Variants in COP1 observed in about 807,000 individuals in gnomAD.
COP1 encodes COP1 E3 ubiquitin ligase.
In COP1, 24 loss-of-function variants were observed where a neutral mutation model predicts 101.3. That is an observed-to-expected ratio of 0.24 (90% CI 0.17 to 0.33). The LOEUF (loss-of-function observed/expected upper bound fraction) is 0.33, where lower values mean the gene tolerates loss of function less well. Among genes scored for constraint, COP1 ranks in the 10% least tolerant of loss-of-function variants. The probability of loss-of-function intolerance (pLI) is 1.00; values close to 1 mark genes in which losing one functional copy is unlikely to be tolerated. For synonymous variants in COP1, 347 were observed against 341.9 expected (o/e 1.01, Z -0.17); for missense variants, 663 against 906.2 (o/e 0.73, Z 3.45).
chr1:175,979,499 T>TAAA (rs66686930), intron 18 of COP1, among the ~76,000 whole-genome samples: 2 of 146,360 alleles, frequency 1.4e-5, no homozygotes, highest in African/African-American at 2.5e-5. Flanking sequence ...GATATGCCTT[T>TAAA]AAAAAAAAAA....
chr1:176,013,311 G>T (rs1665021129), intron 15 of COP1, among the ~76,000 whole-genome samples: 1 of 152,150 alleles, frequency 6.6e-6, no homozygotes, highest in Admixed American at 6.6e-5. Context: ...ATACGGTTCA[G>T]AAATTTACTT....
At chr1:176,051,376 T>G (rs1174721652) in intron 11 of COP1, among the ~76,000 whole-genome samples, 4 of 152,172 alleles carry the variant, frequency 2.6e-5, no homozygotes, top group Non-Finnish European at 4.4e-5. Flanking sequence ...ATTCCTAACT[T>G]AATGACTTGC....
chr1:176,102,669 G>A (rs924956238), intron 9 of COP1, among the ~76,000 whole-genome samples: 4 of 152,154 alleles, frequency 2.6e-5, no homozygotes, highest in Non-Finnish European at 4.4e-5. Flanking sequence ...GTCTTTGTAA[G>A]ACTAACAAAT....
At chr1:176,063,047 G>GTTTTTTTT (rs34464104) in intron 11 of COP1, among the ~76,000 whole-genome samples, 57 of 90,606 alleles carry the variant, frequency 6.3e-4, no homozygotes, top group East Asian at 7.7e-4. Flanking sequence ...TTTTGAAAAT[G>GTTTTTTTT]TTTTTTTTTT....
intron 9 of COP1, among the ~76,000 whole-genome samples, chr1:176,095,846 T>C (rs1234216565): frequency 6.6e-6 from 1 of 151,972 alleles, no homozygotes; most frequent in Non-Finnish European, 1.5e-5. Context: ...CTATTCATAA[T>C]TTTTTTTAAA....
intron 3 of COP1, among the ~76,000 whole-genome samples, chr1:176,174,019 A>G (rs1015046372): frequency 1.2e-4 from 18 of 146,242 alleles, no homozygotes; most frequent in Admixed American, 5.5e-4. Context: ...GAGAATATAT[A>G]TAATGTAGGG....
At chr1:176,087,465 A>C (rs1337667591) in intron 9 of COP1, among the ~76,000 whole-genome samples, 1 of 152,210 alleles carries the variant, frequency 6.6e-6, no homozygotes, top group Admixed American at 6.5e-5. Context: ...CACACTTCTC[A>C]AAAGAAGACA....
At chr1:176,053,175 C>A (rs1464472823) in intron 11 of COP1, among the ~76,000 whole-genome samples, 1 of 152,162 alleles carries the variant, frequency 6.6e-6, no homozygotes, top group Non-Finnish European at 1.5e-5. Flanking sequence ...AATTTCTTCC[C>A]TAAATGCTCC....
At chr1:176,160,332 G>C (rs902011453) in intron 5 of COP1, 1 of 351,506 alleles carries the variant, frequency 2.8e-6, no homozygotes, top group Non-Finnish European at 5.5e-6. Flanking sequence ...TTGTTACCTA[G>C]GCAATATCAT....
intron 15 of COP1, among the ~76,000 whole-genome samples, chr1:176,024,297 C>T (rs1049199047): frequency 1.3e-5 from 2 of 152,100 alleles, no homozygotes; most frequent in African/African-American, 2.4e-5. Flanking sequence ...ATATCCATTA[C>T]TAACACAGAC....
intron 11 of COP1, among the ~76,000 whole-genome samples, chr1:176,065,719 T>G (rs1377450550): frequency 2.0e-5 from 3 of 149,392 alleles, no homozygotes; most frequent in East Asian, 3.9e-4. Flanking sequence ...TTTTTTTTTT[T>G]TTTTTTCAGA....
intron 9 of COP1, among the ~76,000 whole-genome samples, chr1:176,115,749 AT>A (rs1686084154): frequency 6.6e-6 from 1 of 152,124 alleles, no homozygotes; most frequent in East Asian, 1.9e-4. Context: ...TTTCAAAAAA[AT>A]AAAATAAAAT....
At chr1:175,966,862 T>A (rs1341286345) in intron 18 of COP1, among the ~76,000 whole-genome samples, 1 of 151,874 alleles carries the variant, frequency 6.6e-6, no homozygotes, top group African/African-American at 2.4e-5. Context: ...TGGTAAAGAG[T>A]GTTCCAAAGT....
chr1:176,165,384 GTGTGTGTGTGT>G (rs1558240670), intron 3 of COP1, among the ~76,000 whole-genome samples: 24 of 150,370 alleles, frequency 1.6e-4, no homozygotes, highest in African/African-American at 5.4e-4. Context: ...GTGTGTGTGT[GTGTGTGTGTGT>G]GTGTGTGTGT....
chr1:176,007,981 C>G (rs1284979177), intron 15 of COP1, among the ~76,000 whole-genome samples: 1 of 152,182 alleles, frequency 6.6e-6, no homozygotes, highest in East Asian at 1.9e-4. Context: ...GACTGCTCTG[C>G]TAGCAATCAG....
At chr1:175,988,642 G>A (rs375145021) in intron 16 of COP1, 51 of 379,382 alleles carry the variant, frequency 1.3e-4, no homozygotes, top group Middle Eastern at 1.4e-3. Flanking sequence ...AGACCAGCCT[G>A]GCCAACATAG....
chr1:175,976,248 G>GTCT (rs774181433), intron 18 of COP1, among the ~76,000 whole-genome samples: 10 of 126,050 alleles, frequency 7.9e-5, no homozygotes, highest in Non-Finnish European at 1.3e-4. Context: ...ACCCATATAA[G>GTCT]TCTCTATATC....
chr1:176,134,836 T>C (rs1363307846), intron 8 of COP1, among the ~76,000 whole-genome samples, 174 bp downstream of exon 8: 2 of 152,074 alleles, frequency 1.3e-5, no homozygotes, highest in Non-Finnish European at 2.9e-5. Flanking sequence ...CTTCCTGGCA[T>C]GAAATCCAAC....
At chr1:176,183,430 T>A (rs114319140) in intron 2 of COP1, among the ~76,000 whole-genome samples, 1 of 152,222 alleles carries the variant, frequency 6.6e-6, no homozygotes, top group Non-Finnish European at 1.5e-5. Context: ...GGATGGCTAC[T>A]ATCAAAAACC....
Sources: allele counts gnomAD v4.1 joint callset (sites outside exome capture counted in the v4.1 genomes callset), GRCh38; gene constraint gnomAD v4.1.1; transcripts MANE v1.5; gene names NCBI Gene and HGNC (gene_info 2026-07-23, HGNC 2026-07-21).